The following MEIS1 variants were observed in gnomAD, a reference collection of about 807,000 sequenced individuals.
MEIS1 encodes homeobox protein Meis1.
Under a neutral mutation model 50.8 loss-of-function variants are expected in MEIS1, and 5 were observed. That is an observed-to-expected ratio of 0.10 (90% confidence interval 0.05 to 0.21). The LOEUF (loss-of-function observed/expected upper bound fraction) is 0.21, where lower values mean the gene tolerates loss of function less well. MEIS1 is among the 10% of genes least tolerant of loss of function. The pLI is 1.00. For missense variants in MEIS1, 318 were observed against 517.3 expected (o/e 0.61, Z 3.74); for synonymous variants, 176 against 179.3 (o/e 0.98, Z 0.15).
chr2:66,512,946 C>T lies in MEIS1; in HGVS notation c.888+652C>T, dbSNP rs145571407. 7.8e-3 allele frequency among the ~76,000 whole-genome samples: 1,180 copies of T among 152,238 alleles called. 15 individuals carry two copies. Among genetic ancestry groups the T allele is most frequent in the African/African-American group, 0.027 (1,122 of 41,522 alleles). ...TGTGCCAGTATTGCTGTTTTCACTG[C>T]AGGAATTCTCCTGGAGATGTGAGAA... On this transcript the variant is annotated intron_variant, in intron 8 of 12. Transcript: ENST00000272369.
chr2:66,439,214 G>T, intron 2 of MEIS1: 2 of 932,718 alleles, frequency 2.1e-6, no homozygotes, highest in Non-Finnish European at 2.6e-6. Context: ...AACTTTCTTT[G>T]GGGGGCGGTG....
chr2:66,438,160 C>T (rs998339993), intron 2 of MEIS1, among the ~76,000 whole-genome samples, 197 bp downstream of exon 2: 1 of 152,196 alleles, frequency 6.6e-6, no homozygotes, highest in African/African-American at 2.4e-5. Flanking sequence ...ACTCTGTGCA[C>T]ATCCAGTGCC....
At chr2:66,490,668 T>G (rs1673250159) in intron 7 of MEIS1, among the ~76,000 whole-genome samples, 1 of 152,140 alleles carries the variant, frequency 6.6e-6, no homozygotes, top group Non-Finnish European at 1.5e-5. Flanking sequence ...TGGGTTGTGA[T>G]TCACAGAGTT....
At chr2:66,497,037 T>C (rs1014875969) in intron 7 of MEIS1, among the ~76,000 whole-genome samples, 1 of 152,198 alleles carries the variant, frequency 6.6e-6, no homozygotes, top group Non-Finnish European at 1.5e-5. Flanking sequence ...TTGCCTTCAG[T>C]AAAAAGGATA....
intron 6 of MEIS1, among the ~76,000 whole-genome samples, chr2:66,463,086 C>G (rs1156439737): frequency 6.6e-6 from 1 of 151,804 alleles, no homozygotes; most frequent in Non-Finnish European, 1.5e-5. Context: ...AAGCAAAGAG[C>G]TCTTTGATTT....
At chr2:66,512,658 A>G (rs1051983306) in intron 8 of MEIS1, among the ~76,000 whole-genome samples, 3 of 152,192 alleles carry the variant, frequency 2.0e-5, no homozygotes, top group Admixed American at 2.0e-4. Context: ...GAGAGACTTA[A>G]TATCTTCTGA....
chr2:66,500,329 A>G (rs1673520143), intron 7 of MEIS1, among the ~76,000 whole-genome samples: 1 of 152,224 alleles, frequency 6.6e-6, no homozygotes, highest in African/African-American at 2.4e-5. Flanking sequence ...TGTAGGCATC[A>G]GGATTTGTAA....
At chr2:66,455,434 G>A (rs1300844846) in intron 6 of MEIS1, among the ~76,000 whole-genome samples, 2 of 152,196 alleles carry the variant, frequency 1.3e-5, no homozygotes, top group Non-Finnish European at 2.9e-5. Flanking sequence ...TATCAGTGCT[G>A]TCTTGATTTC....
intron 7 of MEIS1, among the ~76,000 whole-genome samples, chr2:66,467,268 A>C (rs978860801): frequency 6.6e-6 from 1 of 152,196 alleles, no homozygotes; most frequent in African/African-American, 2.4e-5. Context: ...AAAGAGTTTT[A>C]GTACACATTT....
chr2:66,548,092 T>A, intron 9 of MEIS1, 73 bp downstream of exon 9: 1 of 1,461,124 alleles, frequency 6.8e-7, no homozygotes, highest in Non-Finnish European at 9.5e-7. Context: ...TGTTTTGCAT[T>A]AAGAAGACAC....
At chr2:66,459,603 A>G (rs1022320209) in intron 6 of MEIS1, among the ~76,000 whole-genome samples, 7 of 152,196 alleles carry the variant, frequency 4.6e-5, no homozygotes, top group African/African-American at 1.7e-4. Context: ...AACAGCAGTC[A>G]TGAATATGGA....
At chr2:66,560,857 C>T (rs111785370) in intron 9 of MEIS1, among the ~76,000 whole-genome samples, 11 of 152,280 alleles carry the variant, frequency 7.2e-5, no homozygotes, top group African/African-American at 2.4e-4. Context: ...CCCCTACCCG[C>T]AGACACACTG....
intron 7 of MEIS1, among the ~76,000 whole-genome samples, chr2:66,498,968 C>G (rs917420979): frequency 2.0e-5 from 3 of 152,176 alleles, no homozygotes; most frequent in African/African-American, 7.2e-5. Flanking sequence ...TTACTTTTAT[C>G]TTTACTGTGC....
chr2:66,546,289 T>A (rs1674790280), intron 8 of MEIS1, among the ~76,000 whole-genome samples: 1 of 152,016 alleles, frequency 6.6e-6, no homozygotes, highest in Admixed American at 6.6e-5. Context: ...CTGGTGGTGT[T>A]AGGAAAACAG....
intron 8 of MEIS1, among the ~76,000 whole-genome samples, chr2:66,541,694 A>T (rs1387386657): frequency 6.6e-6 from 1 of 152,204 alleles, no homozygotes; most frequent in Non-Finnish European, 1.5e-5. Flanking sequence ...AAGAAAGCGG[A>T]TGGAAATCCT....
intron 6 of MEIS1, among the ~76,000 whole-genome samples, chr2:66,456,317 G>A (rs1279497069): frequency 6.6e-6 from 1 of 151,276 alleles, no homozygotes; most frequent in Non-Finnish European, 1.5e-5. Context: ...TTAGAAATCT[G>A]CCTCATTTGA....
chr2:66,539,468 G>A (rs538155158), intron 8 of MEIS1, among the ~76,000 whole-genome samples: 22 of 152,218 alleles, frequency 1.4e-4, no homozygotes, highest in African/African-American at 4.6e-4. Flanking sequence ...AGACAAAATC[G>A]TTTGGAAGTG....
At chr2:66,482,339 G>GTCTC (rs1414312069) in intron 7 of MEIS1, among the ~76,000 whole-genome samples, 1 of 152,132 alleles carries the variant, frequency 6.6e-6, no homozygotes, top group Non-Finnish European at 1.5e-5. Flanking sequence ...AGAGATTGGT[G>GTCTC]TCTCTATTTC....
At chr2:66,486,591 G>C (rs963316492) in intron 7 of MEIS1, among the ~76,000 whole-genome samples, 1 of 151,994 alleles carries the variant, frequency 6.6e-6, no homozygotes, top group South Asian at 2.1e-4. Context: ...GCTCTTTTTT[G>C]GTTCCATATG....
Sources: allele counts gnomAD v4.1 joint callset (sites outside exome capture counted in the v4.1 genomes callset), GRCh38; gene constraint gnomAD v4.1.1; transcripts MANE v1.5; gene names NCBI Gene and HGNC (gene_info 2026-07-23, HGNC 2026-07-21).